The following BAZ2B variants were observed in gnomAD, a reference collection of about 807,000 sequenced individuals.
BAZ2B encodes the protein bromodomain adjacent to zinc finger domain protein 2B.
In BAZ2B, 91 loss-of-function variants were observed where a neutral mutation model predicts 246.0. That is an observed-to-expected ratio of 0.37 (90% CI 0.31 to 0.44). BAZ2B has a LOEUF of 0.44. Ranked by LOEUF, BAZ2B falls within the 20% of genes least tolerant of loss-of-function variation. The probability of loss-of-function intolerance (pLI) is 1.00; values close to 1 mark genes in which losing one functional copy is unlikely to be tolerated. For missense variants in BAZ2B, 2,332 were observed against 2,533.7 expected, an observed-to-expected ratio of 0.92 and a Z score of 1.71; for synonymous variants, 855 against 860.0, an observed-to-expected ratio of 0.99 and a Z score of 0.10.
chr2:159,368,069 A>G (rs1243994834), intron 27 of BAZ2B, among the ~76,000 whole-genome samples: 1 of 152,128 alleles, frequency 6.6e-6, no homozygotes, highest in Non-Finnish European at 1.5e-5. Flanking sequence ...CTTTGTCTTC[A>G]TACGTGCTGT....
At chr2:159,369,755 T>TA (rs991009582) in intron 27 of BAZ2B, among the ~76,000 whole-genome samples, 11 of 151,248 alleles carry the variant, frequency 7.3e-5, no homozygotes, top group South Asian at 4.2e-4. Flanking sequence ...ACCTAGGCAT[T>TA]AAAAAAAAAT....
intron 2 of BAZ2B, among the ~76,000 whole-genome samples, chr2:159,489,357 A>T (rs1385597564): frequency 2.6e-5 from 4 of 152,206 alleles, no homozygotes; most frequent in Non-Finnish European, 5.9e-5. Flanking sequence ...AATAGAAATT[A>T]TCCAGTCTGA....
At chr2:159,387,715 T>C (rs1187223686) in intron 21 of BAZ2B, among the ~76,000 whole-genome samples, 1 of 152,128 alleles carries the variant, frequency 6.6e-6, no homozygotes, top group East Asian at 1.9e-4. Flanking sequence ...CTATTAAAAA[T>C]ATGGCTTAAA....
intron 1 of BAZ2B, among the ~76,000 whole-genome samples, chr2:159,589,235 G>A (rs1251760261): frequency 6.6e-6 from 1 of 152,078 alleles, no homozygotes; most frequent in African/African-American, 2.4e-5. Flanking sequence ...CATTGTAGAG[G>A]AGCTCACAGT....
intron 27 of BAZ2B, among the ~76,000 whole-genome samples, chr2:159,353,145 T>A (rs1032307099): frequency 1.3e-5 from 2 of 152,200 alleles, no homozygotes; most frequent in Non-Finnish European, 2.9e-5. Flanking sequence ...TATAGGTATA[T>A]CATAATTTAT....
At chr2:159,475,219 T>C (rs981651896) in intron 3 of BAZ2B, among the ~76,000 whole-genome samples, 5 of 152,208 alleles carry the variant, frequency 3.3e-5, no homozygotes, top group Admixed American at 1.3e-4. Context: ...TCTTTTCACA[T>C]AGTCCTATAT....
At chr2:159,667,346 A>C in the BAZ2B span, among the ~76,000 whole-genome samples, 1 of 152,104 alleles carries the variant, frequency 6.6e-6, no homozygotes, top group African/African-American at 2.4e-5. Flanking sequence ...CCATAATCCC[A>C]GCACTTTGGA....
rs924386514 is a variant in BAZ2B at position 159,411,991 on chromosome 2, G to A, written c.2677+344C>T. 3.6e-5 allele frequency: 35 copies of A among 984,704 alleles called. No individual in the cohort carries two copies. In the South Asian group the frequency reaches 7.5e-4, roughly 21 times the overall value. The allele number at this position is 984,704 out of a possible 1,614,324, so 61.0% of individuals were successfully genotyped here. Reference sequence around the variant, plus strand: ...TTCCCATGTACCACCTCAAGGAATCGGGAGCTGTTAAAATGAGAATTTCCA... The same window carrying A: ...TTCCCATGTACCACCTCAAGGAATCAGGAGCTGTTAAAATGAGAATTTCCA... On this transcript the variant is annotated intron_variant, in intron 14 of 36. Transcript: ENST00000392783.
intron 34 of BAZ2B, among the ~76,000 whole-genome samples, chr2:159,329,967 T>C (rs906894113): frequency 1.3e-5 from 2 of 152,216 alleles, no homozygotes; most frequent in African/African-American, 4.8e-5. Flanking sequence ...TTAGAGAAAC[T>C]TTCTATAACT....
intron 8 of BAZ2B, 123 bp from the exon 9 acceptor site, chr2:159,433,486 T>G: frequency 2.3e-6 from 2 of 880,004 alleles, no homozygotes; most frequent in South Asian, 2.0e-5. Flanking sequence ...TAAATCATGA[T>G]ATACAAATGC....
chr2:159,595,019 T>C (rs1690322176), intron 1 of BAZ2B, among the ~76,000 whole-genome samples: 1 of 152,244 alleles, frequency 6.6e-6, no homozygotes, highest in Non-Finnish European at 1.5e-5. Flanking sequence ...CCTAAAACCT[T>C]GGACTGATAT....
intron 13 of BAZ2B, among the ~76,000 whole-genome samples, chr2:159,425,610 T>C (rs1205394484): frequency 6.6e-6 from 1 of 152,240 alleles, no homozygotes; most frequent in African/African-American, 2.4e-5. Context: ...CATTTCCTTC[T>C]AGTCTTTTAA....
chr2:159,471,111 CAAG>C (rs1009867510), intron 3 of BAZ2B, among the ~76,000 whole-genome samples: 2 of 151,938 alleles, frequency 1.3e-5, no homozygotes, highest in South Asian at 2.1e-4. Context: ...GAAAGATTTT[CAAG>C]AAGAAGAGAG....
chr2:159,398,583 T>C (rs560561336), intron 18 of BAZ2B, among the ~76,000 whole-genome samples: 1 of 152,164 alleles, frequency 6.6e-6, no homozygotes, highest in African/African-American at 2.4e-5. Context: ...TAAGCAACAA[T>C]TTGCATTTCT....
the BAZ2B span, among the ~76,000 whole-genome samples, chr2:159,680,980 G>C: frequency 2.6e-5 from 4 of 152,126 alleles, no homozygotes; most frequent in African/African-American, 9.7e-5. Context: ...AATGGGGCAA[G>C]ACTTGGGTAG....
the BAZ2B span, among the ~76,000 whole-genome samples, chr2:159,632,305 C>G: frequency 6.6e-6 from 1 of 152,122 alleles, no homozygotes; most frequent in Non-Finnish European, 1.5e-5. Flanking sequence ...TTATGCACAG[C>G]ACTACAGGGG....
rs117412322 is a variant in BAZ2B, at chr2:159,577,005, T to C, written c.-45-21140A>G. ...CTTTGGGAGAACAAGGTTGGAAGAC[T>C]ACTTGAGCCCAGGAGTTCAAGAGCA... On this transcript the variant is annotated intron_variant, in intron 1 of 36. Coordinates refer to ENST00000392783, the MANE Select transcript of BAZ2B (RefSeq NM_013450.4). Among the ~76,000 whole-genome samples the C allele has an allele frequency of 1.4e-3, 210 of 150,174 alleles. 5 individuals are homozygous for C. The South Asian group carries it at 0.021, about 15-fold the overall frequency.
chr2:159,321,353 C>CA (rs1260005896), intron 36 of BAZ2B, among the ~76,000 whole-genome samples: 2 of 151,988 alleles, frequency 1.3e-5, no homozygotes, highest in East Asian at 3.8e-4. Flanking sequence ...GTAGGTTCCT[C>CA]AAAAAAACTA....
intron 3 of BAZ2B, chr2:159,462,186 T>C (rs1185680715): frequency 2.4e-6 from 1 of 424,984 alleles, no homozygotes; most frequent in Non-Finnish European, 4.3e-6. Context: ...TACACTTGGA[T>C]ATAGCAATAA....
Sources: allele counts gnomAD v4.1 joint callset (sites outside exome capture counted in the v4.1 genomes callset), GRCh38; gene constraint gnomAD v4.1.1; transcripts MANE v1.5; gene names NCBI Gene and HGNC (gene_info 2026-07-23, HGNC 2026-07-21).